The following CTNNA2 variants were observed in gnomAD, a reference collection of about 807,000 sequenced individuals.
CTNNA2 encodes catenin alpha 2.
In CTNNA2, 42 loss-of-function variants were observed where a neutral mutation model predicts 101.0. That is an observed-to-expected ratio of 0.42 (90% CI 0.32 to 0.54). The LOEUF (loss-of-function observed/expected upper bound fraction) is 0.54. Among genes scored for constraint, CTNNA2 ranks in the 20% least tolerant of loss-of-function variants. The probability of loss-of-function intolerance (pLI) is 0.14; values close to 1 mark genes in which losing one functional copy is unlikely to be tolerated. For synonymous variants in CTNNA2, 450 were observed against 456.4 expected, an observed-to-expected ratio of 0.99 and a Z score of 0.18; for missense variants, 871 against 1,223.1, an observed-to-expected ratio of 0.71 and a Z score of 4.29.
At chr2:79,799,824 TA>T (rs1273982485) in intron 3 of CTNNA2, among the ~76,000 whole-genome samples, 2 of 152,230 alleles carry the variant, frequency 1.3e-5, no homozygotes, top group Non-Finnish European at 2.9e-5. Context: ...AAATGTATTT[TA>T]TTTTATATGT....
chr2:79,724,896 A>G (rs1686730415), intron 2 of CTNNA2, among the ~76,000 whole-genome samples: 1 of 151,308 alleles, frequency 6.6e-6, no homozygotes, highest in Non-Finnish European at 1.5e-5. Flanking sequence ...GCAGCACATC[A>G]GCACGTCTAC....
chr2:79,785,456 C>T (rs530121924), intron 3 of CTNNA2, among the ~76,000 whole-genome samples: 3 of 152,176 alleles, frequency 2.0e-5, no homozygotes, highest in Non-Finnish European at 2.9e-5. Flanking sequence ...CTTCTGATCT[C>T]TGCTGTAGTT....
intron 4 of CTNNA2, among the ~76,000 whole-genome samples, chr2:79,461,594 T>G (rs981272768): frequency 6.6e-6 from 1 of 152,090 alleles, no homozygotes; most frequent in Non-Finnish European, 1.5e-5. Context: ...CATTACTCAT[T>G]TAACCAAGAG....
In CTNNA2 at chr2:79,477,196, A is replaced by G. The variant is rs185483376; in HGVS notation, c.-134-27858A>G. 5.6e-3 allele frequency among the ~76,000 whole-genome samples: 779 copies of G among 138,946 alleles called. 4 individuals carry two copies. Among genetic ancestry groups the G allele is most frequent in the Admixed American group, 0.013 (178 of 13,260 alleles). 91.2% of individuals were successfully genotyped at this position (138,946 alleles called of 152,430 possible). On this transcript the variant is annotated intron_variant, in intron 4 of 21. Coordinates refer to the CTNNA2 transcript ENST00000466387. ...TTTTTTTTTTTTGTTTTTGAGACCA[A>G]GTCTCACTCTGTTGCCCAGGCTGGA...
At chr2:79,352,521 C>T (rs1388928648) in intron 3 of CTNNA2, among the ~76,000 whole-genome samples, 3 of 151,902 alleles carry the variant, frequency 2.0e-5, no homozygotes, top group Admixed American at 6.6e-5. Context: ...TTTGTTTATC[C>T]TTTCAAAAAA....
intron 5 of CTNNA2, among the ~76,000 whole-genome samples, chr2:79,508,028 C>T (rs945247009): frequency 1.3e-5 from 2 of 152,128 alleles, no homozygotes; most frequent in Non-Finnish European, 2.9e-5. Context: ...CATGTCCTTC[C>T]TCAACATCTT....
chr2:80,305,422 T>G, intron 7 of CTNNA2: 1 of 974,482 alleles, frequency 1.0e-6, no homozygotes, highest in Non-Finnish European at 1.2e-6. Context: ...AGAACGATTG[T>G]ACTGTCTGAC....
At chr2:80,084,610 A>T (rs1458676277) in intron 7 of CTNNA2, among the ~76,000 whole-genome samples, 2 of 152,092 alleles carry the variant, frequency 1.3e-5, no homozygotes, top group Admixed American at 1.3e-4. Context: ...GATTAATGAA[A>T]GCAAATTTCT....
chr2:80,029,017 C>T (rs754193047), intron 7 of CTNNA2, among the ~76,000 whole-genome samples: 1 of 152,180 alleles, frequency 6.6e-6, no homozygotes, highest in Non-Finnish European at 1.5e-5. Flanking sequence ...GAGATGAATA[C>T]ATTTGCATTC....
chr2:80,531,733 C>T (rs995992885), intron 9 of CTNNA2, among the ~76,000 whole-genome samples: 4 of 152,288 alleles, frequency 2.6e-5, no homozygotes, highest in East Asian at 1.9e-4. Context: ...TATTTTTATT[C>T]TTTAAGAACC....
At chr2:79,399,615 A>G (rs1029902662) in intron 4 of CTNNA2, among the ~76,000 whole-genome samples, 13 of 152,138 alleles carry the variant, frequency 8.5e-5, no homozygotes, top group African/African-American at 3.1e-4. Flanking sequence ...CAGTAACAAC[A>G]AGCCCAGGTG....
intron 4 of CTNNA2, among the ~76,000 whole-genome samples, chr2:79,429,664 T>A (rs1452103668): frequency 6.6e-6 from 1 of 152,188 alleles, no homozygotes; most frequent in South Asian, 2.1e-4. Context: ...TAGGAAACCA[T>A]GAAAGTGGAT....
intron 7 of CTNNA2, among the ~76,000 whole-genome samples, chr2:80,290,606 TC>T (rs1675152589): frequency 6.6e-6 from 1 of 152,098 alleles, no homozygotes; most frequent in African/African-American, 2.4e-5. Context: ...ACATTTTTTT[TC>T]CTAATTACTC....
intron 7 of CTNNA2, among the ~76,000 whole-genome samples, chr2:80,310,845 C>T (rs569768588): frequency 2.6e-5 from 4 of 151,916 alleles, no homozygotes; most frequent in Admixed American, 1.3e-4. Context: ...TGGTGACGGG[C>T]GCCTGTAATC....
At chr2:79,939,311 A>G (rs1299668379) in intron 7 of CTNNA2, among the ~76,000 whole-genome samples, 1 of 152,118 alleles carries the variant, frequency 6.6e-6, no homozygotes, top group East Asian at 1.9e-4. Flanking sequence ...TTTAGACTTA[A>G]CTTTCTGTGT....
At position 79,989,478 on chromosome 2, in the gene CTNNA2, C is replaced by A. The variant is rs138764138; in HGVS notation, c.1056+79681C>A. Among the ~76,000 whole-genome samples, 262 of 151,344 alleles carry A rather than the reference C, an allele frequency of 1.7e-3. 1 individual carries two copies. The highest frequency in any genetic ancestry group is 5.9e-3 in the African/African-American group (242 of 40,798). On this transcript the variant is annotated intron_variant, in intron 7 of 18. Coordinates refer to ENST00000402739, the MANE Select transcript of CTNNA2 (RefSeq NM_001282597.3). ...GTCTATACAAAAACAAACAAACAAA[C>A]AAAAAAATTATCTGGACATGATGGC...
In CTNNA2 at chr2:80,497,843, A is replaced by G. The variant is rs1223610107; in HGVS notation, c.1291-47139A>G. Among the ~76,000 whole-genome samples, 9 of 152,134 alleles carry G rather than the reference A, an allele frequency of 5.9e-5. No individual in the cohort carries two copies. The East Asian group carries it at 1.2e-3, about 20-fold the overall frequency. On this transcript the variant is annotated intron_variant, in intron 9 of 18. Coordinates refer to ENST00000402739, the MANE Select transcript of CTNNA2 (RefSeq NM_001282597.3). ...GCAAGAAAGTGGGAAGCTTCGTCCT[A>G]TAACTGCAAGGAACTGAATTCTGCC...
intron 3 of CTNNA2, among the ~76,000 whole-genome samples, chr2:79,784,334 A>G (rs1233706346): frequency 6.6e-6 from 1 of 151,926 alleles, no homozygotes; most frequent in Non-Finnish European, 1.5e-5. Flanking sequence ...GGGCACAGTT[A>G]TGACCACGGG....
At chr2:79,918,758 C>T (rs1686438718) in intron 7 of CTNNA2, among the ~76,000 whole-genome samples, 2 of 152,044 alleles carry the variant, frequency 1.3e-5, no homozygotes. Context: ...TACTTTAAAC[C>T]TGGGGCTCAA....
Sources: allele counts gnomAD v4.1 joint callset (sites outside exome capture counted in the v4.1 genomes callset), GRCh38; gene constraint gnomAD v4.1.1; transcripts MANE v1.5; gene names NCBI Gene and HGNC (gene_info 2026-07-23, HGNC 2026-07-21).